NDRG2: variants seen among roughly 807,000 people sequenced by gnomAD.
NDRG2 encodes the protein protein NDRG2.
A neutral mutation model predicts 58.2 loss-of-function variants in NDRG2; 34 were observed. The observed-to-expected ratio is 0.58, with a 90% CI of 0.44 to 0.78. NDRG2 has a LOEUF of 0.78. Ranked by LOEUF, NDRG2 falls within the 30% of genes least tolerant of loss-of-function variation. The pLI is 0.00. For synonymous variants in NDRG2, 187 were observed against 175.9 expected (o/e 1.06, Z -0.50); for missense variants, 434 against 471.2 (o/e 0.92, Z 0.73).
At chr14:21,045,891 A>G (rs1247923090) in intron 1 of NDRG2, among the ~76,000 whole-genome samples, 1 of 152,188 alleles carries the variant, frequency 6.6e-6, no homozygotes, top group Non-Finnish European at 1.5e-5. Context: ...ACCTGGAAAT[A>G]TTCTATTCTT....
intron 14 of NDRG2, 60 bp downstream of exon 14, chr14:21,018,144 G>C (rs955516414): frequency 1.2e-6 from 2 of 1,606,548 alleles, no homozygotes; most frequent in Non-Finnish European, 1.7e-6. Context: ...AAAGGGCAGA[G>C]CCCAGTGCCA....
chr14:21,028,279 G>A (rs1299698917), upstream of NDRG2, among the ~76,000 whole-genome samples: 1 of 151,668 alleles, frequency 6.6e-6, no homozygotes, highest in Non-Finnish European at 1.5e-5. Flanking sequence ...TTTGAGATGG[G>A]GTCTCTCTGT....
At position 21,017,678 on chromosome 14, in the gene NDRG2, C is replaced by A. The variant is rs572120906; in HGVS notation, c.1034G>T (p.Arg345Leu). ...SAASVDGNRS[R>L]SRTLSQSSES... Reference sequence around the variant, plus strand: ...GCTGCTCTGGGACAGGGTGCGAGAGCGGGACCGGTTGCCATCAACGGATGC... The same window carrying A: ...GCTGCTCTGGGACAGGGTGCGAGAGAGGGACCGGTTGCCATCAACGGATGC... Residue 345 changes from arginine (R) to leucine (L), a missense_variant, in exon 16 of 16, where the codon CGC (arginine) becomes CTC (leucine). Physicochemically the swap from Arg to Leu is moderately radical, Grantham distance 102 (BLOSUM62 -2). Transcript: ENST00000556147. The A allele has an allele frequency of 1.2e-6, 2 of 1,610,918 alleles. No homozygotes were observed. The highest frequency in any genetic ancestry group is 1.7e-6 in the Non-Finnish European group (2 of 1,178,546).
Position 21,017,321 on chromosome 14 carries a change from A to C in NDRG2, c.*275T>G. 2.0e-6 allele frequency: 1 copy of C among 499,794 alleles called. No homozygotes were observed. The highest frequency in any genetic ancestry group is 3.7e-6 in the Non-Finnish European group (1 of 273,698). The allele number at this position is 499,794 out of a possible 1,614,324, so 31.0% of individuals were successfully genotyped here. Reference sequence around the variant, plus strand: ...ATAGACACCTAGATCAGGACAGAGGATGCATATGCCCTCTCCACCTTAACA... The same window carrying C: ...ATAGACACCTAGATCAGGACAGAGGCTGCATATGCCCTCTCCACCTTAACA... On this transcript the variant is annotated 3_prime_UTR_variant, in exon 16 of 16. Transcript: ENST00000556147.
chr14:21,065,126 GT>G (rs1469702031), intron 1 of NDRG2, among the ~76,000 whole-genome samples: 1 of 151,256 alleles, frequency 6.6e-6, no homozygotes, highest in African/African-American at 2.4e-5. Flanking sequence ...AGTCGAGATT[GT>G]ACCACTGCAC....
At position 21,018,432 on chromosome 14, in the gene NDRG2, G is replaced by A. The variant is rs8015353; in HGVS notation, c.861+25C>T. ...GTAGAGAGGATATATGACTGTGGAC[G>A]GGGGCCCAGGAACAGGTTACTGACC... is the stretch of plus-strand genomic sequence containing the variant. On this transcript the variant is annotated intron_variant, in intron 13 of 15. Transcript: ENST00000556147. The A allele has an allele frequency of 3.7e-5, 59 of 1,613,130 alleles. No individual in the cohort carries two copies. The East Asian group carries it at 3.8e-4, about 10-fold the overall frequency.
chr14:21,047,178 A>G (rs1205775964), intron 1 of NDRG2, among the ~76,000 whole-genome samples: 1 of 152,216 alleles, frequency 6.6e-6, no homozygotes, highest in African/African-American at 2.4e-5. Context: ...TTTCACAACA[A>G]TTAATAATAG....
At position 21,033,919 on chromosome 14, in the gene NDRG2, AGCAGCTAGTGGGTG is replaced by A. The variant is rs1175268651; in HGVS notation, c.25-10612_25-10599del. ...TGGTTGGTTAGGGTGCTATTGTAGT[AGCAGCTAGTGGGTG>A]GCTGTTGGTGGCTCAGGGAGCAGAC... is the stretch of plus-strand genomic sequence containing the variant. On this transcript the variant is annotated intron_variant, in intron 1 of 14. Transcript: ENST00000403829. 12 of 1,614,094 alleles carry A rather than the reference AGCAGCTAGTGGGTG, an allele frequency of 7.4e-6. No individual in the cohort carries two copies. In the Admixed American group the frequency reaches 1.2e-4, roughly 16 times the overall value.
At position 21,020,587 on chromosome 14, in the gene NDRG2, G is replaced by C. The variant is rs1879607997; in HGVS notation, c.469-5C>G. 2.5e-6 allele frequency: 4 copies of C among 1,613,168 alleles called. No individual in the cohort carries two copies. In the Admixed American group the frequency reaches 6.7e-5, roughly 27 times the overall value. On this transcript the variant is annotated splice_region_variant and splice_polypyrimidine_tract_variant and intron_variant, in intron 7 of 15. Coordinates refer to ENST00000556147, the MANE Select transcript of NDRG2 (RefSeq NM_001320329.2). ...AACAGTGTCCGGGTGGTTAAGCTGA[G>C]GGACAGCAGAAGGAAGGAAATGAGA... is the stretch of plus-strand genomic sequence containing the variant.
At chr14:21,033,844 T>C in intron 1 of NDRG2, 1 of 1,613,170 alleles carries the variant, frequency 6.2e-7, no homozygotes, top group African/African-American at 1.3e-5. Context: ...AGACCAGCGA[T>C]ACCTATTGGA....
At chr14:21,054,722 C>T (rs893262890) in intron 1 of NDRG2, among the ~76,000 whole-genome samples, 2 of 152,188 alleles carry the variant, frequency 1.3e-5, no homozygotes, top group Non-Finnish European at 2.9e-5. Context: ...TGGATCTTAA[C>T]CTGCCAGAAC....
chr14:21,053,518 T>A (rs148411530), intron 1 of NDRG2, among the ~76,000 whole-genome samples: 1 of 151,958 alleles, frequency 6.6e-6, no homozygotes, highest in Non-Finnish European at 1.5e-5. Context: ...TCCCAGCTAC[T>A]CAAGAGGCTG....
chr14:21,038,768 G>C (rs1411559226), intron 1 of NDRG2, among the ~76,000 whole-genome samples: 1 of 152,190 alleles, frequency 6.6e-6, no homozygotes, highest in South Asian at 2.1e-4. Context: ...CAAGGCCCCA[G>C]TGAACCCCCA....
intron 1 of NDRG2, among the ~76,000 whole-genome samples, chr14:21,047,889 A>G (rs1594504766): frequency 6.6e-6 from 1 of 152,142 alleles, no homozygotes; most frequent in African/African-American, 2.4e-5. Flanking sequence ...AATGAGCCCT[A>G]GACACCATGA....
At chr14:21,034,302 A>G in intron 1 of NDRG2, 1 of 1,596,462 alleles carries the variant, frequency 6.3e-7, no homozygotes, top group South Asian at 1.1e-5. Context: ...TCCTGCTGGT[A>G]GAGTTAAGGT....
intron 1 of NDRG2, chr14:21,043,542 A>G: frequency 6.2e-6 from 6 of 968,606 alleles, no homozygotes; most frequent in South Asian, 4.8e-5. Context: ...CACCCAGAGC[A>G]TTCTCTTCCC....
chr14:21,020,110 A>T, intron 8 of NDRG2, 134 bp from the exon 9 acceptor site: 1 of 717,138 alleles, frequency 1.4e-6, no homozygotes, highest in Non-Finnish European at 2.5e-6. Flanking sequence ...CCTGGCCAAG[A>T]TGGTGAAACC....
chr14:21,064,517 G>A (rs920078444), intron 1 of NDRG2, among the ~76,000 whole-genome samples: 1 of 152,106 alleles, frequency 6.6e-6, no homozygotes, highest in African/African-American at 2.4e-5. Flanking sequence ...GGCCAGGCTC[G>A]TCTTGAACTC....
Position 21,020,731 on chromosome 14 carries a change from C to T in NDRG2, c.468+53G>A, listed in dbSNP as rs59752956. ...CCAAACAGCACTAATAAACAGTATT[C>T]TCCTAATCAGTCTGGACCCTCCTTT... On this transcript the variant is annotated intron_variant, in intron 7 of 15. Transcript: ENST00000556147. 2.7e-4 allele frequency: 434 copies of T among 1,608,992 alleles called. 2 individuals are homozygous for T. The East Asian group carries it at 9.1e-3, about 34-fold the overall frequency.
Sources: allele counts gnomAD v4.1 joint callset (sites outside exome capture counted in the v4.1 genomes callset), GRCh38; gene constraint gnomAD v4.1.1; transcripts MANE v1.5; gene names NCBI Gene and HGNC (gene_info 2026-07-23, HGNC 2026-07-21).